Variants in UMAD1 observed in about 807,000 individuals in gnomAD.
The protein encoded by UMAD1 is UBAP1-MVB12-associated (UMA) domain containing 1.
UMAD1 carries 8 observed loss-of-function variants against 6.1 expected under a neutral mutation model. The observed-to-expected ratio is 1.30, with a 90% CI of 0.76 to 2.35. UMAD1 has a LOEUF of 2.35. Ranked by LOEUF, UMAD1 falls within the 30% of genes most tolerant of loss-of-function variation. The pLI is 0.00. For missense variants in UMAD1, 130 were observed against 78.4 expected, an observed-to-expected ratio of 1.66 and a Z score of -2.49; for synonymous variants, 56 against 31.4, an observed-to-expected ratio of 1.78 and a Z score of -2.61.
chr7:7,792,153 A>G (rs1782579065), intron 2 of UMAD1, among the ~76,000 whole-genome samples: 2 of 152,146 alleles, frequency 1.3e-5, no homozygotes, highest in Non-Finnish European at 1.5e-5. Flanking sequence ...TTGGTATGCT[A>G]ATTTATTACA....
chr7:7,856,383 A>G (rs920814566), intron 3 of UMAD1, among the ~76,000 whole-genome samples: 1 of 152,234 alleles, frequency 6.6e-6, no homozygotes, highest in Non-Finnish European at 1.5e-5. Flanking sequence ...AAGAGAGAGA[A>G]TGAGTGCCAG....
intron 2 of UMAD1, among the ~76,000 whole-genome samples, chr7:7,767,294 T>G (rs1371074132): frequency 1.3e-5 from 2 of 151,876 alleles, no homozygotes; most frequent in Non-Finnish European, 2.9e-5. Context: ...CCCGGCTAAT[T>G]TTTTGTATTT....
At chr7:7,775,882 T>C (rs370870526) in intron 2 of UMAD1, among the ~76,000 whole-genome samples, 16 of 152,188 alleles carry the variant, frequency 1.1e-4, no homozygotes, top group African/African-American at 3.6e-4. Flanking sequence ...TAGTAATGGA[T>C]AGCAAAGTGG....
chr7:7,828,115 A>G (rs904660162), intron 3 of UMAD1, among the ~76,000 whole-genome samples: 4 of 152,232 alleles, frequency 2.6e-5, no homozygotes, highest in Admixed American at 6.5e-5. Flanking sequence ...GAAAATACTT[A>G]TGAAAACCTT....
At chr7:7,843,266 G>T (rs565144726) in intron 3 of UMAD1, among the ~76,000 whole-genome samples, 1 of 152,300 alleles carries the variant, frequency 6.6e-6, no homozygotes, top group Non-Finnish European at 1.5e-5. Context: ...GCCCATGTTT[G>T]TCTATTCTGA....
intron 3 of UMAD1, among the ~76,000 whole-genome samples, chr7:7,864,628 CACACA>C: frequency 6.6e-6 from 1 of 151,718 alleles, no homozygotes; most frequent in African/African-American, 2.4e-5. Flanking sequence ...CACACACACA[CACACA>C]CACACACACA....
At chr7:7,705,751 A>T (rs919588825) in intron 2 of UMAD1, among the ~76,000 whole-genome samples, 1 of 152,188 alleles carries the variant, frequency 6.6e-6, no homozygotes, top group East Asian at 1.9e-4. Flanking sequence ...AACTCATAGA[A>T]TATAAAATAA....
At chr7:7,831,907 G>A (rs1374387786) in intron 3 of UMAD1, among the ~76,000 whole-genome samples, 1 of 152,070 alleles carries the variant, frequency 6.6e-6, no homozygotes, top group African/African-American at 2.4e-5. Flanking sequence ...TTCTTTCTTT[G>A]TGGCCAGATG....
At chr7:7,824,496 G>C (rs1480481147) in intron 3 of UMAD1, among the ~76,000 whole-genome samples, 1 of 152,082 alleles carries the variant, frequency 6.6e-6, no homozygotes, top group African/African-American at 2.4e-5. Context: ...GGAAAATCCT[G>C]TTTAGGTATC....
chr7:7,700,888 TA>T (rs368562172), intron 2 of UMAD1, among the ~76,000 whole-genome samples: 3,758 of 148,454 alleles, frequency 0.025, 164 homozygotes, highest in African/African-American at 0.089. Flanking sequence ...GACTCCATCT[TA>T]AAAAAAAACA....
chr7:7,680,646 C>T (rs1779885997), intron 2 of UMAD1, among the ~76,000 whole-genome samples: 1 of 151,978 alleles, frequency 6.6e-6, no homozygotes, highest in South Asian at 2.1e-4. Flanking sequence ...GACATTTTAA[C>T]AATACTGATT....
chr7:7,707,617 A>G (rs1484332493), intron 2 of UMAD1, among the ~76,000 whole-genome samples: 1 of 152,206 alleles, frequency 6.6e-6, no homozygotes, highest in Non-Finnish European at 1.5e-5. Context: ...AACAAATAAT[A>G]AAAGACTAAA....
chr7:7,846,142 A>G (rs1200037338), intron 3 of UMAD1, among the ~76,000 whole-genome samples: 1 of 152,116 alleles, frequency 6.6e-6, no homozygotes, highest in Admixed American at 6.6e-5. Context: ...TCTGTGTCTC[A>G]CCTTCCTATC....
intron 2 of UMAD1, among the ~76,000 whole-genome samples, chr7:7,786,269 C>T (rs1782459163): frequency 6.6e-6 from 1 of 152,186 alleles, no homozygotes; most frequent in Admixed American, 6.5e-5. Flanking sequence ...CCTTCAATAT[C>T]TAGACATTTT....
At position 7,855,255 on chromosome 7, in the gene UMAD1, C is replaced by G. The variant is rs560472642; in HGVS notation, c.157-22026C>G. Among the ~76,000 whole-genome samples, 12 of 152,322 alleles carry G rather than the reference C, an allele frequency of 7.9e-5. No individual in the cohort carries two copies. In the South Asian group the frequency reaches 2.3e-3, roughly 29 times the overall value. On this transcript the variant is annotated intron_variant, in intron 3 of 3. Coordinates refer to ENST00000682710, the MANE Select transcript of UMAD1 (RefSeq NM_001302348.2). ...TCTCACAACTCCACTAGACAGTGCCCCAGTGTGGACTCTGCATGAGGGCTC... is the reference window on the plus strand; with the variant it reads ...TCTCACAACTCCACTAGACAGTGCCGCAGTGTGGACTCTGCATGAGGGCTC...
At chr7:7,874,205 C>A (rs985391073) in intron 3 of UMAD1, among the ~76,000 whole-genome samples, 6 of 152,146 alleles carry the variant, frequency 3.9e-5, no homozygotes, top group Non-Finnish European at 7.3e-5. Flanking sequence ...TTCCTTTTAC[C>A]CTTAAAGTCT....
chr7:7,871,074 T>A (rs542692605), intron 3 of UMAD1, among the ~76,000 whole-genome samples: 63 of 152,356 alleles, frequency 4.1e-4, no homozygotes, highest in African/African-American at 1.4e-3. Context: ...CACGGTGTTT[T>A]TCCCATGGTC....
intron 1 of UMAD1, among the ~76,000 whole-genome samples, chr7:7,657,256 G>A (rs879442353): frequency 5.7e-4 from 74 of 129,408 alleles, no homozygotes; most frequent in Admixed American, 2.4e-3. Context: ...CTCCCTTTCT[G>A]TAGGTTGCCA....
chr7:7,765,730 T>A (rs1340675706), intron 2 of UMAD1, among the ~76,000 whole-genome samples: 9 of 152,186 alleles, frequency 5.9e-5, no homozygotes, highest in Non-Finnish European at 1.3e-4. Flanking sequence ...CAGTCAATAT[T>A]TATTGAGCTT....
Sources: gnomAD v4.1 joint callset for allele counts (sites outside exome capture counted in the v4.1 genomes callset) on GRCh38, gnomAD v4.1.1 for gene constraint, MANE v1.5 for transcripts, NCBI Gene and HGNC (gene_info 2026-07-23, HGNC 2026-07-21) for gene names.